The following VPS50 variants were observed in gnomAD, a reference collection of about 807,000 sequenced individuals.
The protein encoded by VPS50 is syndetin.
A neutral mutation model predicts 139.7 loss-of-function variants in VPS50; 70 were observed. The ratio of observed to expected loss-of-function variants is 0.50; its 90% confidence interval spans 0.41 to 0.61. The LOEUF (loss-of-function observed/expected upper bound fraction) is 0.61. VPS50 is among the 20% of genes least tolerant of loss of function. The pLI is 0.00. For synonymous variants in VPS50, 365 were observed against 376.7 expected, an observed-to-expected ratio of 0.97 and a Z score of 0.36; for missense variants, 921 against 1,133.7, an observed-to-expected ratio of 0.81 and a Z score of 2.69.
intron 16 of VPS50, among the ~76,000 whole-genome samples, chr7:93,301,153 C>T (rs571819696): frequency 1.3e-5 from 2 of 151,968 alleles, no homozygotes; most frequent in East Asian, 1.9e-4. Context: ...AAAAATTACC[C>T]GGGCGTGGTG....
intron 20 of VPS50, among the ~76,000 whole-genome samples, chr7:93,311,774 A>C (rs1797276109): frequency 6.6e-6 from 1 of 152,132 alleles, no homozygotes; most frequent in Non-Finnish European, 1.5e-5. Context: ...ATTTTGTAGA[A>C]GGCAAACAAT....
At chr7:93,305,462 G>A (rs984400075) in intron 17 of VPS50, among the ~76,000 whole-genome samples, 5 of 151,686 alleles carry the variant, frequency 3.3e-5, no homozygotes, top group Non-Finnish European at 5.9e-5. Context: ...TTAACAATTA[G>A]TTTTCATAAA....
chr7:93,348,949 C>T (rs1489655565), intron 24 of VPS50, 142 bp downstream of exon 24: 1 of 613,508 alleles, frequency 1.6e-6, no homozygotes, highest in Admixed American at 2.9e-5. Flanking sequence ...TTTATTCACT[C>T]ATGAATTCCT....
Position 93,358,437 on chromosome 7 carries a change from T to C in VPS50, c.*1T>C. On this transcript the variant is annotated 3_prime_UTR_variant, in exon 28 of 28. Transcript: ENST00000305866. The stretch of plus-strand genomic sequence containing the variant: ...TGATATAGACAGACCTAAAAGATAA[T>C]GAACACAGCTCTCTTTCCTCAATGG... 2 of 1,610,544 alleles carry C rather than the reference T, an allele frequency of 1.2e-6. No individual in the cohort carries two copies. The highest frequency in any genetic ancestry group is 1.7e-6 in the Non-Finnish European group (2 of 1,177,462).
intron 12 of VPS50, among the ~76,000 whole-genome samples, chr7:93,278,261 C>T (rs1796217189): frequency 1.3e-5 from 2 of 152,020 alleles, no homozygotes; most frequent in African/African-American, 4.8e-5. Flanking sequence ...AATTTGTGCT[C>T]AAGGTGTTTA....
At position 93,336,488 on chromosome 7, in the gene VPS50, T is replaced by G. The variant is rs574386965; in HGVS notation, c.2058+2291T>G. Among the ~76,000 whole-genome samples the G allele has an allele frequency of 2.8e-4, 42 of 152,332 alleles. 1 individual carries two copies. The highest frequency in any genetic ancestry group is 1.0e-3 in the African/African-American group (42 of 41,572). On this transcript the variant is annotated intron_variant, in intron 22 of 27. Transcript: ENST00000305866. ...ATCCATTTGGTTATGCTAACTAAAT[T>G]GTTTGCTTTAAGACCTTTAGCCAAC... is the stretch of plus-strand genomic sequence containing the variant.
intron 12 of VPS50, among the ~76,000 whole-genome samples, chr7:93,279,118 A>G (rs1001987972): frequency 6.6e-6 from 1 of 152,146 alleles, no homozygotes; most frequent in East Asian, 1.9e-4. Context: ...TATTCTCAAT[A>G]AAAAAATTAA....
chr7:93,305,979 CAGA>C lies in VPS50; in HGVS notation c.1608_1610del (p.Glu536del). The C allele has an allele frequency of 6.2e-7, 1 of 1,612,094 alleles. No individual in the cohort carries two copies. The highest frequency in any genetic ancestry group is 2.2e-5 in the East Asian group (1 of 44,820). On this transcript the variant is annotated inframe_deletion, in exon 18 of 28. Transcript: ENST00000305866. ...CAGGCCAACCACAAAGATGAAGAAA[CAGA>C]AGATGTCTTAGCTTCTAATGGGGTA...
chr7:93,298,866 G>T (rs1796890418), intron 16 of VPS50, among the ~76,000 whole-genome samples: 1 of 152,160 alleles, frequency 6.6e-6, no homozygotes, highest in Admixed American at 6.5e-5. Context: ...AGTAATAGTA[G>T]ACTTGGGTTC....
chr7:93,330,201 A>G (rs182269065), intron 21 of VPS50, among the ~76,000 whole-genome samples: 4 of 152,316 alleles, frequency 2.6e-5, no homozygotes, highest in African/African-American at 2.4e-5. Context: ...ATTGTAATCC[A>G]TAGGACAACC....
At chr7:93,283,225 T>C (rs1274134486) in intron 12 of VPS50, among the ~76,000 whole-genome samples, 1 of 151,020 alleles carries the variant, frequency 6.6e-6, no homozygotes, top group Non-Finnish European at 1.5e-5. Context: ...TTTTTCTTTT[T>C]CTTTTCTTTT....
intron 20 of VPS50, among the ~76,000 whole-genome samples, chr7:93,315,439 G>A (rs1211532897): frequency 6.6e-6 from 1 of 152,136 alleles, no homozygotes; most frequent in Non-Finnish European, 1.5e-5. Context: ...CTGGATCAAA[G>A]AGTATATACA....
chr7:93,252,716 AG>A lies in VPS50; in HGVS notation c.167del (p.Ser56IlefsTer31), dbSNP rs1562851307. Reference protein sequence around the residue: ...DPQAEQELINSIEQVYFSVDS... With the variant: ...DPQAEQELINXIEQVYFSVDS... ...TCAAGCTGAACAAGAGCTTATTAAT[AG>A]TATTGAACAAGTATATTTTTCTGTG... On this transcript the variant is annotated frameshift_variant, in exon 3 of 28. Transcript: ENST00000305866. LOFTEE classifies it high-confidence loss of function. 6.3e-7 allele frequency: 1 copy of A among 1,586,748 alleles called. No homozygotes were observed. The highest frequency in any genetic ancestry group is 8.6e-7 in the Non-Finnish European group (1 of 1,158,182).
At chr7:93,276,075 A>G (rs1166231644) in intron 11 of VPS50, 90 bp from the exon 12 acceptor site, 1 of 1,222,574 alleles carries the variant, frequency 8.2e-7, no homozygotes, top group East Asian at 2.4e-5. Flanking sequence ...CTATTATTTG[A>G]AAAGATGTTT....
intron 3 of VPS50, 92 bp from the exon 4 acceptor site, chr7:93,253,768 G>A: frequency 1.4e-6 from 1 of 694,766 alleles, no homozygotes; most frequent in Non-Finnish European, 2.6e-6. Context: ...TGTATGCACA[G>A]TTTGTAGTTC....
chr7:93,334,169 A>G lies in VPS50; in HGVS notation c.2030A>G (p.Asn677Ser), dbSNP rs771305740. ...AGTAGTAGACTAAGAACAACTCTAA[A>G]CAGAATACAAGAAAGCCTTATTGAT... is the stretch of plus-strand genomic sequence containing the variant. Reference protein sequence around the residue: ...LSSSRLRTTLNRIQESLIDLE... With the variant: ...LSSSRLRTTLSRIQESLIDLE... Residue 677 changes from asparagine to serine, a missense_variant, in exon 22 of 28, where the codon AAC becomes AGC. Transcript: ENST00000305866. 2.3e-5 allele frequency: 37 copies of G among 1,589,906 alleles called. No homozygotes were observed. The highest frequency in any genetic ancestry group is 3.1e-5 in the Non-Finnish European group (36 of 1,162,218).
intron 1 of VPS50, among the ~76,000 whole-genome samples, chr7:93,238,326 A>G (rs1353523972): frequency 1.3e-5 from 2 of 151,728 alleles, no homozygotes; most frequent in Non-Finnish European, 2.9e-5. Flanking sequence ...GAGCATTCCT[A>G]GAAATTTTTT....
At position 93,297,138 on chromosome 7, in the gene VPS50, C is replaced by T; in HGVS notation, c.1263-7C>T. ...TGAAATTTACTGAAACCTTTTTATC[C>T]AACTAGGTTGATGCAAGTTGGAGAA... On this transcript the variant is annotated splice_polypyrimidine_tract_variant and splice_region_variant and intron_variant, in intron 15 of 27. Coordinates refer to ENST00000305866, the MANE Select transcript of VPS50 (RefSeq NM_017667.4). 2 of 1,558,784 alleles carry T rather than the reference C, an allele frequency of 1.3e-6. No individual in the cohort carries two copies. The highest frequency in any genetic ancestry group is 1.3e-5 in the South Asian group (1 of 79,090).
intron 2 of VPS50, among the ~76,000 whole-genome samples, chr7:93,245,896 T>G (rs1795137941): frequency 6.6e-6 from 1 of 151,882 alleles, no homozygotes; most frequent in Non-Finnish European, 1.5e-5. Flanking sequence ...ATTATAAACT[T>G]ACGTGGCATG....
Sources: gnomAD v4.1 joint callset for allele counts (sites outside exome capture counted in the v4.1 genomes callset) on GRCh38, gnomAD v4.1.1 for gene constraint, MANE v1.5 for transcripts, NCBI Gene and HGNC (gene_info 2026-07-23, HGNC 2026-07-21) for gene names.